The following RBL1 variants were observed in gnomAD, a reference collection of about 807,000 sequenced individuals.
RBL1 encodes the protein retinoblastoma-like protein 1.
RBL1 carries 82 observed loss-of-function variants against 123.0 expected under a neutral mutation model. The observed-to-expected ratio is 0.67, with a 90% CI of 0.56 to 0.80. The LOEUF (loss-of-function observed/expected upper bound fraction) is 0.80, where lower values mean the gene tolerates loss of function less well. Among genes scored for constraint, RBL1 ranks in the 30% least tolerant of loss-of-function variants. The pLI is 0.00. For missense variants in RBL1, 1,171 were observed against 1,299.6 expected, an observed-to-expected ratio of 0.90 and a Z score of 1.52; for synonymous variants, 405 against 441.3, an observed-to-expected ratio of 0.92 and a Z score of 1.03.
chr20:37,081,970 A>G (rs1488963489), intron 2 of RBL1: 1 of 455,992 alleles, frequency 2.2e-6, no homozygotes, highest in African/African-American at 2.0e-5. Flanking sequence ...GGCTCGCTTC[A>G]GGTCACTTCA....
rs367612955 is a variant in RBL1, at chr20:37,067,039, C to T, written c.639G>A (p.Ala213=). ...LCCLDLIFAN[A]IMCPNRQDLL... ...AGTCTTGTCTATTTGGGCACATAAT[C>T]GCATTGGCAAAAATCAGATCCAAGC... The change falls in exon 5 of 22, where the codon GCG becomes GCA. Residue 213 remains alanine (A), a synonymous_variant. Transcript: ENST00000373664. 2.3e-4 allele frequency: 373 copies of T among 1,610,152 alleles called. No homozygotes were observed. Among genetic ancestry groups the T allele is most frequent in the Admixed American group, 3.2e-4 (19 of 59,862 alleles).
intron 16 of RBL1, among the ~76,000 whole-genome samples, chr20:37,030,681 C>T (rs1050528537): frequency 1.3e-5 from 2 of 152,062 alleles, no homozygotes; most frequent in African/African-American, 4.8e-5. Flanking sequence ...ACGGTGAAAC[C>T]TCGTCTCTAC....
intron 9 of RBL1, among the ~76,000 whole-genome samples, chr20:37,057,621 G>T (rs1290219716): frequency 3.9e-5 from 6 of 151,966 alleles, no homozygotes; most frequent in Non-Finnish European, 5.9e-5. Flanking sequence ...CTAATATATG[G>T]TTTACAATTA....
intron 21 of RBL1, chr20:37,003,468 G>A (rs1726688923): frequency 1.2e-6 from 1 of 840,578 alleles, no homozygotes; most frequent in Non-Finnish European, 1.5e-6. Flanking sequence ...GCTTGAACAG[G>A]AAAACATGCT....
chr20:37,063,917 G>A (rs2065136419), intron 7 of RBL1, among the ~76,000 whole-genome samples: 1 of 151,404 alleles, frequency 6.6e-6, no homozygotes, highest in Non-Finnish European at 1.5e-5. Flanking sequence ...CAACCTCCCA[G>A]ATTCAAATGA....
At chr20:37,066,438 G>C (rs951538344) in intron 6 of RBL1, among the ~76,000 whole-genome samples, 1 of 152,182 alleles carries the variant, frequency 6.6e-6, no homozygotes, top group Non-Finnish European at 1.5e-5. Context: ...TTATTTGTCA[G>C]CCCTACTCTG....
chr20:37,051,103 T>G (rs962414312), intron 11 of RBL1, among the ~76,000 whole-genome samples: 1 of 152,244 alleles, frequency 6.6e-6, no homozygotes, highest in Non-Finnish European at 1.5e-5. Context: ...CTACACAGCA[T>G]ACATACAATA....
rs1009869772 is a variant in RBL1 at position 37,044,399 on chromosome 20, G to C, written c.1606-149C>G. The C allele has an allele frequency of 1.3e-5, 9 of 698,766 alleles. No homozygotes were observed. The African/African-American group carries it at 1.7e-4, about 13-fold the overall frequency. 43.3% of individuals were successfully genotyped at this position (698,766 alleles called of 1,614,324 possible). ...GTTGCCCAGGCTGGAGTACAGTGGT[G>C]TGATCTTGGCTCACTGCAACCTCTG... On this transcript the variant is annotated intron_variant, in intron 12 of 21. Transcript: ENST00000373664.
At chr20:37,054,430 G>A (rs1444869919) in intron 11 of RBL1, among the ~76,000 whole-genome samples, 1 of 152,052 alleles carries the variant, frequency 6.6e-6, no homozygotes, top group Non-Finnish European at 1.5e-5. Flanking sequence ...GTTGCAGTGA[G>A]CCAAGATCGC....
chr20:37,071,885 C>A (rs1246375768), intron 2 of RBL1, among the ~76,000 whole-genome samples: 1 of 152,192 alleles, frequency 6.6e-6, no homozygotes, highest in Non-Finnish European at 1.5e-5. Context: ...CTGTAAACTT[C>A]CTGAGGCCCT....
intron 9 of RBL1, among the ~76,000 whole-genome samples, chr20:37,058,450 G>A (rs1053748439): frequency 1.3e-4 from 20 of 151,812 alleles, no homozygotes; most frequent in Admixed American, 4.6e-4. Context: ...GGGAGGTGGA[G>A]GTTGCAGTGA....
At chr20:37,043,290 C>G (rs1044096959) in intron 13 of RBL1, among the ~76,000 whole-genome samples, 2 of 151,792 alleles carry the variant, frequency 1.3e-5, no homozygotes, top group Non-Finnish European at 2.9e-5. Flanking sequence ...AGTTCAAGAA[C>G]AGCCTGGACA....
intron 14 of RBL1, among the ~76,000 whole-genome samples, chr20:37,037,845 C>A (rs1359129049): frequency 6.6e-6 from 1 of 151,982 alleles, no homozygotes; most frequent in Non-Finnish European, 1.5e-5. Context: ...TGCTGCCATG[C>A]TTGCCTAATT....
chr20:37,035,396 G>A lies in RBL1; in HGVS notation c.2016C>T (p.Asp672=), dbSNP rs1568843821. The change falls in exon 15 of 22, where the codon GAC becomes GAT. Residue 672 remains aspartate, a synonymous_variant. Coordinates refer to ENST00000373664, the MANE Select transcript of RBL1 (RefSeq NM_002895.5). ...GEDPPKEMLM[D]KIITEGTKLK... ...ATTTTGTTCCTTCTGTTATGATCTT[G>A]TCCATAAGCATTTCCTTTGGGGGGT... The A allele has an allele frequency of 1.9e-6, 3 of 1,614,062 alleles. No individual in the cohort carries two copies. The highest frequency in any genetic ancestry group is 1.7e-6 in the Non-Finnish European group (2 of 1,179,986).
intron 16 of RBL1, among the ~76,000 whole-genome samples, chr20:37,026,672 C>G (rs2146237478): frequency 6.7e-6 from 1 of 148,508 alleles, no homozygotes; most frequent in African/African-American, 2.5e-5. Flanking sequence ...CCACTGCACT[C>G]CAGCCTGGGT....
intron 19 of RBL1, among the ~76,000 whole-genome samples, chr20:37,011,386 C>T (rs1657774909): frequency 1.3e-5 from 2 of 151,706 alleles, no homozygotes; most frequent in Admixed American, 1.3e-4. Context: ...CTAGGCATAT[C>T]TCAGTCAATG....
chr20:37,042,326 A>G (rs1042983556), intron 13 of RBL1, among the ~76,000 whole-genome samples: 7 of 152,194 alleles, frequency 4.6e-5, no homozygotes, highest in African/African-American at 1.7e-4. Flanking sequence ...AATGCAAATA[A>G]AACCACAATG....
chr20:37,046,920 T>C (rs1039099759), intron 12 of RBL1, 133 bp downstream of exon 12: 1 of 1,303,042 alleles, frequency 7.7e-7, no homozygotes, highest in Non-Finnish European at 9.8e-7. Context: ...GCCAGGAATA[T>C]ATATTTTCAG....
intron 9 of RBL1, 142 bp from the exon 10 acceptor site, chr20:37,056,400 G>T: frequency 2.3e-6 from 3 of 1,299,638 alleles, no homozygotes; most frequent in Non-Finnish European, 2.9e-6. Context: ...TGTAACCCAG[G>T]CTGGAGTGCA....
Sources: allele counts gnomAD v4.1 joint callset (sites outside exome capture counted in the v4.1 genomes callset), GRCh38; gene constraint gnomAD v4.1.1; transcripts MANE v1.5; gene names NCBI Gene and HGNC (gene_info 2026-07-23, HGNC 2026-07-21).